Variants in LRRC37A2 observed in about 807,000 individuals in gnomAD.
The protein encoded by LRRC37A2 is leucine rich repeat containing 37 member A2.
Under a neutral mutation model 68.8 loss-of-function variants are expected in LRRC37A2, and 9 were observed. The ratio of observed to expected loss-of-function variants is 0.13; its 90% CI spans 0.08 to 0.23. The LOEUF is 0.23. Among genes scored for constraint, LRRC37A2 ranks in the 10% least tolerant of loss-of-function variants. The pLI is 1.00. For missense variants in LRRC37A2, 168 were observed against 950.4 expected (o/e 0.18, Z 10.82); for synonymous variants, 63 against 367.6 (o/e 0.17, Z 9.48).
chr17:46,788,785 C>CA, the LRRC37A2 span, among the ~76,000 whole-genome samples: 21 of 152,134 alleles, frequency 1.4e-4, no homozygotes, highest in Admixed American at 9.8e-4. Context: ...TCCCTGCCCT[C>CA]AGCAGCCCCA....
At chr17:46,802,753 G>T in the LRRC37A2 span, among the ~76,000 whole-genome samples, 1 of 152,244 alleles carries the variant, frequency 6.6e-6, no homozygotes, top group African/African-American at 2.4e-5. Flanking sequence ...ACACGTGGAG[G>T]TTCCTGGAAG....
At chr17:46,978,382 A>G in the LRRC37A2 span, 3 of 377,498 alleles carry the variant, frequency 7.9e-6, no homozygotes, top group African/African-American at 7.1e-5. Flanking sequence ...ACGTCTTAAA[A>G]AACAAACAAA....
the LRRC37A2 span, among the ~76,000 whole-genome samples, chr17:46,409,318 A>G: frequency 4.2e-5 from 6 of 144,188 alleles, no homozygotes; most frequent in Admixed American, 2.1e-4. Context: ...TTTTTTTAAG[A>G]CAGGGTCTCG....
At chr17:46,783,891 A>G in the LRRC37A2 span, among the ~76,000 whole-genome samples, 4 of 152,188 alleles carry the variant, frequency 2.6e-5, no homozygotes, top group Non-Finnish European at 5.9e-5. Context: ...ACAAACTAGC[A>G]CCTTCCTTAG....
the LRRC37A2 span, among the ~76,000 whole-genome samples, chr17:46,779,503 C>A: frequency 6.6e-6 from 1 of 152,232 alleles, no homozygotes; most frequent in African/African-American, 2.4e-5. Context: ...CCACCCACTG[C>A]CCAGCTGGGC....
the LRRC37A2 span, among the ~76,000 whole-genome samples, chr17:46,791,548 C>T: frequency 6.6e-6 from 1 of 152,190 alleles, no homozygotes; most frequent in Non-Finnish European, 1.5e-5. Flanking sequence ...CTCTGCTCTG[C>T]AGAGCCTCAC....
the LRRC37A2 span, among the ~76,000 whole-genome samples, chr17:46,955,136 G>GAT: frequency 6.6e-6 from 1 of 152,100 alleles, no homozygotes; most frequent in Non-Finnish European, 1.5e-5. Flanking sequence ...CATTCAGTAT[G>GAT]ATATTGGCTG....
At chr17:46,935,595 T>C in the LRRC37A2 span, 2 of 1,075,090 alleles carry the variant, frequency 1.9e-6, no homozygotes, top group Non-Finnish European at 1.1e-6. Context: ...CTAAAACCTT[T>C]TGTATTTTAG....
the LRRC37A2 span, among the ~76,000 whole-genome samples, chr17:46,982,385 G>A: frequency 6.6e-6 from 1 of 152,310 alleles, no homozygotes; most frequent in East Asian, 1.9e-4. Context: ...GATGCAGAAT[G>A]GGGCCCTGCC....
the LRRC37A2 span, among the ~76,000 whole-genome samples, chr17:46,622,490 A>G: frequency 1.3e-5 from 2 of 149,734 alleles, no homozygotes; most frequent in East Asian, 3.9e-4. Context: ...AAATAGATAA[A>G]TAAATGGTGT....
chr17:47,017,123 A>G, the LRRC37A2 span: 1 of 1,595,080 alleles, frequency 6.3e-7, no homozygotes, highest in Non-Finnish European at 8.5e-7. Flanking sequence ...CTGTGGCATA[A>G]ATACAGGTGT....
At chr17:47,033,953 C>A in the LRRC37A2 span, among the ~76,000 whole-genome samples, 2 of 152,136 alleles carry the variant, frequency 1.3e-5, no homozygotes, top group Admixed American at 6.5e-5. Context: ...ACCAAAAAGG[C>A]GATGGACTGG....
At chr17:46,981,657 A>T in the LRRC37A2 span, among the ~76,000 whole-genome samples, 12 of 152,142 alleles carry the variant, frequency 7.9e-5, no homozygotes, top group African/African-American at 2.7e-4. Flanking sequence ...CATTATTAGA[A>T]CATTAAGCAT....
the LRRC37A2 span, among the ~76,000 whole-genome samples, chr17:46,949,504 T>C: frequency 6.6e-6 from 1 of 152,112 alleles, no homozygotes; most frequent in Non-Finnish European, 1.5e-5. Context: ...GGGAAGAATG[T>C]GGGTCACATT....
chr17:46,853,619 C>T, the LRRC37A2 span, among the ~76,000 whole-genome samples: 1 of 152,110 alleles, frequency 6.6e-6, no homozygotes. Context: ...CTGCCCAACT[C>T]AGCCTCCCAA....
the LRRC37A2 span, among the ~76,000 whole-genome samples, chr17:46,712,087 G>A: frequency 6.6e-6 from 1 of 152,090 alleles, no homozygotes; most frequent in Non-Finnish European, 1.5e-5. Flanking sequence ...GATTGGAGGG[G>A]CAAAAAGATA....
At chr17:46,992,853 C>CAAA in the LRRC37A2 span, among the ~76,000 whole-genome samples, 3,111 of 64,900 alleles carry the variant, frequency 0.048, 471 homozygotes, top group African/African-American at 0.16. Flanking sequence ...AACTCCATCT[C>CAAA]AAAAAAAAAA....
the LRRC37A2 span, chr17:46,939,363 A>ATAACAAGTAAGAT: frequency 2.0e-6 from 2 of 1,002,624 alleles, no homozygotes; most frequent in Non-Finnish European, 2.4e-6. Flanking sequence ...GCTATTGCCG[A>ATAACAAGTAAGAT]TAACAAGTAA....
chr17:47,035,443 CTT>C, the LRRC37A2 span, among the ~76,000 whole-genome samples: 1 of 152,084 alleles, frequency 6.6e-6, no homozygotes, highest in Non-Finnish European at 1.5e-5. Flanking sequence ...TGTCTAGTTT[CTT>C]TTCACGAAGC....
Sources: gnomAD v4.1 joint callset for allele counts (sites outside exome capture counted in the v4.1 genomes callset) on GRCh38, gnomAD v4.1.1 for gene constraint, MANE v1.5 for transcripts, NCBI Gene and HGNC (gene_info 2026-07-23, HGNC 2026-07-21) for gene names.